Variants in EPRS1 observed in about 807,000 individuals in gnomAD.
EPRS1 encodes the protein glutamyl-prolyl-tRNA synthetase 1.
A neutral mutation model predicts 188.3 loss-of-function variants in EPRS1; 107 were observed. The observed-to-expected ratio is 0.57, with a 90% CI of 0.49 to 0.67. EPRS1 has a LOEUF of 0.67. Among genes scored for constraint, EPRS1 ranks in the 30% least tolerant of loss-of-function variants. EPRS1 has a pLI of 0.00. For synonymous variants in EPRS1, 596 were observed against 593.1 expected, an observed-to-expected ratio of 1.00 and a Z score of -0.07; for missense variants, 1,577 against 1,802.2, an observed-to-expected ratio of 0.88 and a Z score of 2.26.
chr1:220,043,342 A>T (rs1196864454), intron 1 of EPRS1, among the ~76,000 whole-genome samples: 3 of 152,224 alleles, frequency 2.0e-5, no homozygotes, highest in Non-Finnish European at 4.4e-5. Context: ...TGAAAATAAT[A>T]CAAATTGTAA....
intron 23 of EPRS1, 69 bp from the exon 24 acceptor site, chr1:219,981,526 A>G: frequency 1.2e-6 from 1 of 825,922 alleles, no homozygotes; most frequent in Non-Finnish European, 1.9e-6. Context: ...GTAACAGCTA[A>G]ACCAGCAAGA....
At chr1:219,988,562 A>C in intron 19 of EPRS1, 28 bp downstream of exon 19, 1 of 1,482,856 alleles carries the variant, frequency 6.7e-7, no homozygotes, top group Non-Finnish European at 9.4e-7. Flanking sequence ...TAAAAAACAA[A>C]AGCATATAAA....
intron 11 of EPRS1, 80 bp from the exon 12 acceptor site, chr1:220,018,588 T>TACA: frequency 1.7e-6 from 1 of 575,634 alleles, no homozygotes. Context: ...TAAGCATGTT[T>TACA]AGAAAAAAAA....
intron 12 of EPRS1, among the ~76,000 whole-genome samples, chr1:220,012,017 A>T (rs751202556): frequency 1.3e-5 from 2 of 151,908 alleles, no homozygotes; most frequent in African/African-American, 4.8e-5. Flanking sequence ...TTTTTTTGTC[A>T]GTGTTGAAGG....
intron 18 of EPRS1, among the ~76,000 whole-genome samples, chr1:219,991,227 TAAA>T (rs61141405): frequency 0.055 from 6,764 of 123,606 alleles, 403 homozygotes; most frequent in African/African-American, 0.15. Context: ...GGAGTGACCT[TAAA>T]AAAAAAAAAA....
intron 2 of EPRS1, among the ~76,000 whole-genome samples, chr1:220,036,117 T>C (rs1249815439): frequency 1.3e-5 from 2 of 152,292 alleles, no homozygotes; most frequent in East Asian, 3.9e-4. Flanking sequence ...GGAGAACTGC[T>C]TGAACCCGGG....
intron 20 of EPRS1, 81 bp downstream of exon 20, chr1:219,987,061 A>T (rs754254263): frequency 2.0e-5 from 29 of 1,428,982 alleles, no homozygotes; most frequent in Non-Finnish European, 2.8e-5. Context: ...TGGTTAAACC[A>T]GTCAAAATTT....
At chr1:219,974,990 C>T (rs937512137) in intron 28 of EPRS1, among the ~76,000 whole-genome samples, 2 of 152,130 alleles carry the variant, frequency 1.3e-5, no homozygotes, top group Non-Finnish European at 2.9e-5. Flanking sequence ...GTAAATTATT[C>T]GTCCGAATTA....
chr1:219,991,324 T>G (rs935994941), intron 18 of EPRS1, among the ~76,000 whole-genome samples: 7 of 152,154 alleles, frequency 4.6e-5, no homozygotes, highest in South Asian at 2.1e-4. Flanking sequence ...TGAAAAAACT[T>G]TTTTCAAAAA....
At chr1:219,999,728 C>T (rs1046883021) in intron 17 of EPRS1, among the ~76,000 whole-genome samples, 1 of 152,158 alleles carries the variant, frequency 6.6e-6, no homozygotes, top group African/African-American at 2.4e-5. Flanking sequence ...AATCCCAGTA[C>T]TTTGGGAGGC....
intron 23 of EPRS1, chr1:219,982,556 A>T: frequency 2.7e-6 from 1 of 372,266 alleles, no homozygotes. Context: ...TTTAAATTAA[A>T]AATCCTATAA....
In EPRS1 at chr1:219,982,825, G is replaced by A. The variant is rs12144752; in HGVS notation, c.3320C>T (p.Ser1107Phe). Residue 1107 changes from serine (S) to phenylalanine (F), a missense_variant, in exon 23 of 32, where the codon TCT becomes TTT. By Grantham distance (155) the Ser-to-Phe change is radical. This residue lies in a region of EPRS1 where 1,278 missense variants were observed against 1,457.4 expected (regional missense o/e 0.88). Coordinates refer to ENST00000366923, the MANE Select transcript of EPRS1 (RefSeq NM_004446.3). ...FAPEVAWVTR[S>F]GKTELAEPIA... Reference sequence around the variant, plus strand: ...TGGTTCTGCCAGCTCGGTTTTGCCAGATCTTGTAACCCAAGCAACCTAGTA... The same window carrying A: ...TGGTTCTGCCAGCTCGGTTTTGCCAAATCTTGTAACCCAAGCAACCTAGTA... 1 of 1,613,976 alleles carries A rather than the reference G, an allele frequency of 6.2e-7. No individual in the cohort carries two copies. The highest frequency in any genetic ancestry group is 8.5e-7 in the Non-Finnish European group (1 of 1,179,918).
intron 16 of EPRS1, among the ~76,000 whole-genome samples, chr1:220,001,638 G>A (rs1019786416): frequency 6.6e-6 from 1 of 152,154 alleles, no homozygotes; most frequent in Non-Finnish European, 1.5e-5. Context: ...CACCTGTCCA[G>A]TTAATGCTTT....
Position 220,005,362 on chromosome 1 carries a change from T to A in EPRS1, c.1951-2A>T. 2 of 1,422,608 alleles carry A rather than the reference T, an allele frequency of 1.4e-6. No homozygotes were observed. The highest frequency in any genetic ancestry group is 1.9e-6 in the Non-Finnish European group (2 of 1,065,728). The allele number at this position is 1,422,608 out of a possible 1,614,324, so 88.1% of individuals were successfully genotyped here. A position where few individuals can be genotyped will look rare whatever the true frequency, so the allele number is the denominator to read the frequency against. Reference sequence around the variant, plus strand: ...ATCCCCTAGCATTAGCTCTTCATGCTGTAAAGATGATATAAACCAAAGTAC... The same window carrying A: ...ATCCCCTAGCATTAGCTCTTCATGCAGTAAAGATGATATAAACCAAAGTAC... On this transcript the variant is annotated splice_acceptor_variant, in intron 15 of 31. Transcript: ENST00000366923. LOFTEE classifies it high-confidence loss of function.
intron 20 of EPRS1, among the ~76,000 whole-genome samples, chr1:219,984,933 G>A (rs749007688): frequency 9.9e-5 from 15 of 151,844 alleles, no homozygotes; most frequent in Non-Finnish European, 1.9e-4. Flanking sequence ...CCAGCTACTC[G>A]GGAGGCTGAG....
intron 16 of EPRS1, among the ~76,000 whole-genome samples, chr1:220,002,479 A>G (rs1483057108): frequency 6.6e-6 from 1 of 152,206 alleles, no homozygotes; most frequent in African/African-American, 2.4e-5. Context: ...AATGTTAATG[A>G]TACTCTTGAC....
chr1:220,037,383 T>C (rs779544662), intron 2 of EPRS1, among the ~76,000 whole-genome samples: 1 of 151,278 alleles, frequency 6.6e-6, no homozygotes, highest in Non-Finnish European at 1.5e-5. Context: ...CACATGCCTG[T>C]AATCCCAGCT....
chr1:220,031,077 C>T (rs1290180850), intron 5 of EPRS1, among the ~76,000 whole-genome samples: 1 of 121,820 alleles, frequency 8.2e-6, no homozygotes, highest in South Asian at 2.9e-4. Flanking sequence ...GGGTGACGAG[C>T]AAAACTCTGT....
intron 28 of EPRS1, among the ~76,000 whole-genome samples, chr1:219,978,264 T>C (rs948288528): frequency 6.6e-6 from 1 of 152,216 alleles, no homozygotes; most frequent in Non-Finnish European, 1.5e-5. Flanking sequence ...AACATTTTAG[T>C]ATACTAGTTA....
Sources: gnomAD v4.1 joint callset for allele counts (sites outside exome capture counted in the v4.1 genomes callset) on GRCh38, gnomAD v4.1.1 for gene constraint, gnomAD v4.1.1 regional missense constraint, MANE v1.5 for transcripts, NCBI Gene and HGNC (gene_info 2026-07-23, HGNC 2026-07-21) for gene names.